ADGRV1: variants seen among roughly 807,000 people sequenced by gnomAD.
ADGRV1 encodes adhesion G protein-coupled receptor V1, also known as G-protein coupled receptor 98.
ADGRV1 carries 359 observed loss-of-function variants against 596.2 expected under a neutral mutation model. That is an observed-to-expected ratio of 0.60 (90% CI 0.55 to 0.66). The LOEUF (loss-of-function observed/expected upper bound fraction) is 0.66. Ranked by LOEUF, ADGRV1 falls within the 30% of genes least tolerant of loss-of-function variation. The probability of loss-of-function intolerance (pLI) is 0.00; values close to 1 mark genes in which losing one functional copy is unlikely to be tolerated. For synonymous variants in ADGRV1, 2,681 were observed against 2,679.2 expected, an observed-to-expected ratio of 1.00 and a Z score of -0.02; for missense variants, 7,274 against 7,575.6, an observed-to-expected ratio of 0.96 and a Z score of 1.48.
chr5:90,858,860 C>A (rs1242066689), intron 82 of ADGRV1, among the ~76,000 whole-genome samples: 2 of 152,182 alleles, frequency 1.3e-5, no homozygotes, highest in Admixed American at 6.5e-5. Context: ...CAACTCTAAG[C>A]ATCACACTAG....
chr5:90,970,651 G>C (rs1002647170), intron 84 of ADGRV1, among the ~76,000 whole-genome samples: 27 of 151,796 alleles, frequency 1.8e-4, no homozygotes, highest in Non-Finnish European at 2.6e-4. Context: ...GGTCCTGACT[G>C]TTAGAAGGAA....
At chr5:90,583,666 C>T (rs540350043) in intron 1 of ADGRV1, among the ~76,000 whole-genome samples, 23 of 152,184 alleles carry the variant, frequency 1.5e-4, no homozygotes, top group Admixed American at 3.3e-4. Flanking sequence ...ACATCTAGGC[C>T]TACAACTAAT....
In ADGRV1 at chr5:90,683,853, A is replaced by G; in HGVS notation, c.5932A>G (p.Ile1978Val). ...TVLASDDPYGIFIFSEKNRPV... is the reference protein window; with the variant it reads ...TVLASDDPYGVFIFSEKNRPV... Reference sequence around the variant, plus strand: ...TTTGGCTAGTGATGATCCATATGGGATATTCATTTTTTCTGAGAAAAACAG... The same window carrying G: ...TTTGGCTAGTGATGATCCATATGGGGTATTCATTTTTTCTGAGAAAAACAG... Residue 1978 changes from isoleucine (I) to valine (V), a missense_variant, in exon 28 of 90, where the codon ATA becomes GTA. Physicochemically the swap from Ile to Val is conservative, Grantham distance 29 (BLOSUM62 3). Coordinates refer to ENST00000405460, the MANE Select transcript of ADGRV1 (RefSeq NM_032119.4). The G allele has an allele frequency of 6.2e-7, 1 of 1,613,638 alleles. No homozygotes were observed. Among genetic ancestry groups the G allele is most frequent in the Non-Finnish European group, 8.5e-7 (1 of 1,179,754 alleles).
At chr5:90,988,127 C>G (rs1780648330) in intron 85 of ADGRV1, among the ~76,000 whole-genome samples, 1 of 152,162 alleles carries the variant, frequency 6.6e-6, no homozygotes, top group South Asian at 2.1e-4. Flanking sequence ...CTCTTCTTTA[C>G]AAGATTGGCC....
chr5:91,113,920 A>T (rs1181986847), intron 87 of ADGRV1, among the ~76,000 whole-genome samples: 1 of 150,320 alleles, frequency 6.7e-6, no homozygotes, highest in Non-Finnish European at 1.5e-5. Flanking sequence ...CTGCATCTCA[A>T]AAAAAGAGAA....
intron 52 of ADGRV1, among the ~76,000 whole-genome samples, chr5:90,748,645 T>C (rs531804906): frequency 2.0e-5 from 3 of 152,192 alleles, no homozygotes; most frequent in Non-Finnish European, 2.9e-5. Context: ...CCTATTCTTA[T>C]TAGGTACTCA....
chr5:90,823,657 T>C, intron 76 of ADGRV1, 61 bp downstream of exon 76: 1 of 1,427,588 alleles, frequency 7.0e-7, no homozygotes, highest in East Asian at 2.3e-5. Flanking sequence ...GAATTAATCA[T>C]TTTAAAACCA....
chr5:90,730,395 T>C (rs1217275337), intron 50 of ADGRV1, among the ~76,000 whole-genome samples: 2 of 152,320 alleles, frequency 1.3e-5, no homozygotes, highest in East Asian at 3.9e-4. Context: ...ACATTAAATA[T>C]ATATTTTTAA....
chr5:90,991,550 A>G (rs1263816092), intron 85 of ADGRV1, among the ~76,000 whole-genome samples: 1 of 152,142 alleles, frequency 6.6e-6, no homozygotes, highest in African/African-American at 2.4e-5. Flanking sequence ...AAGTGCTAGG[A>G]TTACAGGCAT....
chr5:90,793,410 A>G (rs1760300066), intron 70 of ADGRV1: 1 of 152,232 alleles, frequency 6.6e-6, no homozygotes, highest in African/African-American at 2.4e-5. Context: ...TTTTCCAGAA[A>G]TAGCTGGTAT....
In ADGRV1 at chr5:90,729,010, A is replaced by C. The variant is rs915732171; in HGVS notation, c.10426+77A>C. ...CATTCATATGGTATATTTTATATGAAAATGCTCTTGCAATAATTTTTTACT... is the reference window on the plus strand; with the variant it reads ...CATTCATATGGTATATTTTATATGACAATGCTCTTGCAATAATTTTTTACT... On this transcript the variant is annotated intron_variant, in intron 49 of 89. Transcript: ENST00000405460. The C allele has an allele frequency of 9.7e-6, 10 of 1,036,088 alleles. No homozygotes were observed. The African/African-American group carries it at 1.5e-4, about 15-fold the overall frequency. The allele number at this position is 1,036,088 out of a possible 1,614,324, so 64.2% of individuals were successfully genotyped here.
intron 21 of ADGRV1, among the ~76,000 whole-genome samples, chr5:90,667,284 A>G (rs1293350259): frequency 2.2e-5 from 3 of 135,362 alleles, no homozygotes; most frequent in East Asian, 2.2e-4. Context: ...ACATAGTCCC[A>G]TATTTCTTGG....
Position 90,716,674 on chromosome 5 carries a change from A to C in ADGRV1, c.9392A>C (p.Lys3131Thr). The change falls in exon 43 of 90, where the codon AAA becomes ACA. Residue 3131 changes from lysine (K) to threonine (T), a missense_variant. Lys to Thr is a moderately conservative substitution (Grantham distance 78, BLOSUM62 -1). Coordinates refer to ENST00000405460, the MANE Select transcript of ADGRV1 (RefSeq NM_032119.4). ...VTEVNSSNES[K>T]DLTPSKGYIV... is the part of the protein sequence containing the mutation. ...GAAGTGAATTCCTCAAATGAATCTAAAGATCTGACTCCTTCCAAAGGCTAT... is the reference window on the plus strand; with the variant it reads ...GAAGTGAATTCCTCAAATGAATCTACAGATCTGACTCCTTCCAAAGGCTAT... 2 of 1,613,166 alleles carry C rather than the reference A, an allele frequency of 1.2e-6. No individual in the cohort carries two copies. The highest frequency in any genetic ancestry group is 1.7e-6 in the Non-Finnish European group (2 of 1,179,158).
At chr5:91,012,935 T>C (rs1202406713) in intron 85 of ADGRV1, among the ~76,000 whole-genome samples, 2 of 152,154 alleles carry the variant, frequency 1.3e-5, no homozygotes, top group Non-Finnish European at 2.9e-5. Context: ...TCATGAGTTC[T>C]CATCATTTAG....
intron 17 of ADGRV1, 49 bp downstream of exon 17, chr5:90,647,813 A>G (rs1419978814): frequency 3.3e-6 from 5 of 1,533,648 alleles, no homozygotes; most frequent in African/African-American, 1.4e-5. Flanking sequence ...GTGCTTTAAT[A>G]AGATGAAATT....
chr5:90,836,411 A>G (rs1009861082), intron 77 of ADGRV1, among the ~76,000 whole-genome samples: 2 of 152,152 alleles, frequency 1.3e-5, no homozygotes, highest in Admixed American at 6.5e-5. Context: ...GAAACATACT[A>G]TTGATACACA....
intron 38 of ADGRV1, among the ~76,000 whole-genome samples, chr5:90,707,833 C>G (rs997116326): frequency 6.6e-6 from 1 of 151,822 alleles, no homozygotes; most frequent in Non-Finnish European, 1.5e-5. Context: ...CTGATTAGCA[C>G]TAAGATTAAG....
At chr5:90,691,508 C>T (rs796311818) in intron 31 of ADGRV1, among the ~76,000 whole-genome samples, 6 of 151,070 alleles carry the variant, frequency 4.0e-5, no homozygotes, top group African/African-American at 1.5e-4. Context: ...CCTCAGCCTT[C>T]CGAGTAGCTG....
At chr5:90,987,673 TATC>T (rs1038783981) in intron 85 of ADGRV1, among the ~76,000 whole-genome samples, 22 of 152,084 alleles carry the variant, frequency 1.4e-4, no homozygotes, top group African/African-American at 4.3e-4. Context: ...TGTATACTTA[TATC>T]ATCATTTTAA....
Sources: allele counts gnomAD v4.1 joint callset (sites outside exome capture counted in the v4.1 genomes callset), GRCh38; gene constraint gnomAD v4.1.1; transcripts MANE v1.5; gene names NCBI Gene and HGNC (gene_info 2026-07-23, HGNC 2026-07-21).